The following ANKRD31 variants were observed in gnomAD, a reference collection of about 807,000 sequenced individuals.
ANKRD31 encodes the protein ankyrin repeat domain 31.
In ANKRD31, 147 loss-of-function variants were observed where a neutral mutation model predicts 186.0. That is an observed-to-expected ratio of 0.79 (90% CI 0.69 to 0.91). ANKRD31 has a LOEUF of 0.91. Among genes scored for constraint, ANKRD31 ranks in the 40% least tolerant of loss-of-function variants. The pLI is 0.00. For synonymous variants in ANKRD31, 673 were observed against 736.4 expected (o/e 0.91, Z 1.39); for missense variants, 1,986 against 2,148.8 (o/e 0.92, Z 1.50).
chr5:75,168,004 C>T (rs1411826020), intron 11 of ANKRD31, among the ~76,000 whole-genome samples: 1 of 152,046 alleles, frequency 6.6e-6, no homozygotes, highest in African/African-American at 2.4e-5. Context: ...TAAACTGGAT[C>T]CTGGGAAGAA....
chr5:75,175,044 C>A (rs1468366242), intron 10 of ANKRD31, among the ~76,000 whole-genome samples: 1 of 152,150 alleles, frequency 6.6e-6, no homozygotes, highest in African/African-American at 2.4e-5. Context: ...GAATACTATG[C>A]AGCCATAAAA....
At chr5:75,216,423 G>C (rs1463771375) in intron 3 of ANKRD31, among the ~76,000 whole-genome samples, 1 of 152,096 alleles carries the variant, frequency 6.6e-6, no homozygotes. Context: ...CAATCACATA[G>C]CAAATGTTTC....
At chr5:75,087,491 A>T (rs2150025234) in intron 23 of ANKRD31, among the ~76,000 whole-genome samples, 1 of 152,220 alleles carries the variant, frequency 6.6e-6, no homozygotes, top group South Asian at 2.1e-4. Context: ...TGGGCAAGAC[A>T]GCGAGACTCT....
In ANKRD31 at chr5:75,144,015, G is replaced by C. The variant is rs1751243017; in HGVS notation, c.3581C>G (p.Thr1194Ser). The change falls in exon 15 of 26, where the codon ACT becomes AGT. Residue 1194 changes from threonine (T) to serine (S), a missense_variant. Thr to Ser is a moderately conservative substitution (Grantham distance 58). Transcript: ENST00000506364. The stretch of plus-strand genomic sequence containing the variant: ...GGAATACAAACCTAGGTTGCAGGTA[G>C]TTTTTAAGAAACTTTGTCTTTTTCT... ...NFRKRQSFLKTTCNLGMKAGR... is the reference protein window; with the variant it reads ...NFRKRQSFLKSTCNLGMKAGR... 2.5e-6 allele frequency: 1 copy of C among 397,204 alleles called. No individual in the cohort carries two copies. The highest frequency in any genetic ancestry group is 2.1e-5 in the African/African-American group (1 of 48,546). 24.6% of individuals were successfully genotyped at this position (397,204 alleles called of 1,614,324 possible).
chr5:75,084,952 A>C (rs983646425), intron 23 of ANKRD31, among the ~76,000 whole-genome samples: 1 of 152,198 alleles, frequency 6.6e-6, no homozygotes, highest in African/African-American at 2.4e-5. Context: ...ATCTACACAC[A>C]AAAAGGCAGG....
intron 17 of ANKRD31, among the ~76,000 whole-genome samples, chr5:75,133,327 A>C (rs529881940): frequency 7.9e-5 from 12 of 152,264 alleles, no homozygotes; most frequent in African/African-American, 2.6e-4. Flanking sequence ...TCTACCAAGC[A>C]AATGGAAAAC....
intron 17 of ANKRD31, among the ~76,000 whole-genome samples, chr5:75,121,369 G>C (rs1748776186): frequency 6.6e-6 from 1 of 152,086 alleles, no homozygotes. Context: ...TGGGGCACTT[G>C]AACATCCGAG....
rs540018986 is a variant in ANKRD31 at position 75,116,743 on chromosome 5, GTT to G, written c.4040-64_4040-63del. 1.4e-4 allele frequency: 131 copies of G among 941,852 alleles called. No individual in the cohort carries two copies. The Middle Eastern group carries it at 1.6e-3, about 12-fold the overall frequency. The allele number at this position is 941,852 out of a possible 1,614,324, so 58.3% of individuals were successfully genotyped here. On this transcript the variant is annotated intron_variant, in intron 18 of 25. Transcript: ENST00000506364. ...TGCAAAAATATAGTTTCATTTTTCA[GTT>G]TTAATGTGATGGGGATGAGAAGGAT...
At chr5:75,076,712 T>C (rs188519929) in intron 25 of ANKRD31, among the ~76,000 whole-genome samples, 111 of 152,332 alleles carry the variant, frequency 7.3e-4, no homozygotes, top group Non-Finnish European at 9.1e-4. Flanking sequence ...GTCTTTCTGA[T>C]GACCAGCCCT....
At chr5:75,190,524 A>C (rs1449910567) in intron 9 of ANKRD31, among the ~76,000 whole-genome samples, 1 of 152,046 alleles carries the variant, frequency 6.6e-6, no homozygotes, top group Admixed American at 6.6e-5. Flanking sequence ...TTCACCTCTG[A>C]AGGTGTTACA....
At chr5:75,112,726 AT>A in intron 19 of ANKRD31, 126 bp from the exon 20 acceptor site, 1 of 540,994 alleles carries the variant, frequency 1.8e-6, no homozygotes, top group Non-Finnish European at 3.1e-6. Context: ...ATTCCTCTTT[AT>A]GCTCAAAATG....
In ANKRD31 at chr5:75,091,288, A is replaced by G. The variant is rs1020353827; in HGVS notation, c.5445T>C (p.Tyr1815=). The part of the protein sequence containing the change: ...WLKDLLGGNS[Y]VTWNYAWSKV... ...TACTCCAAGCATAATTCCAGGTCAC[A>G]TAACTGTTGCCTCCCAGAAGATCCT... Residue 1815 remains tyrosine, a synonymous_variant, in exon 23 of 26, where the codon TAT becomes TAC. Coordinates refer to ENST00000506364, the MANE Select transcript of ANKRD31 (RefSeq NM_001372053.1). 6 of 1,537,160 alleles carry G rather than the reference A, an allele frequency of 3.9e-6. No homozygotes were observed. The highest frequency in any genetic ancestry group is 1.7e-4 in the Middle Eastern group (1 of 5,988).
At position 75,210,873 on chromosome 5, in the gene ANKRD31, GAA is replaced by G; in HGVS notation, c.289-10_289-9del. 7.8e-6 allele frequency: 11 copies of G among 1,414,122 alleles called. No homozygotes were observed. The highest frequency in any genetic ancestry group is 7.6e-5 in the Admixed American group (3 of 39,232). The allele number at this position is 1,414,122 out of a possible 1,614,324, so 87.6% of individuals were successfully genotyped here. The stretch of plus-strand genomic sequence containing the variant: ...TTCTGTTTCATCTTGAGACTGCTAG[GAA>G]AAAAAAAAGTTTTTTCCAACTGATA... On this transcript the variant is annotated splice_polypyrimidine_tract_variant and intron_variant, in intron 3 of 25. Coordinates refer to ENST00000506364, the MANE Select transcript of ANKRD31 (RefSeq NM_001372053.1).
intron 10 of ANKRD31, among the ~76,000 whole-genome samples, chr5:75,173,530 A>G (rs934232001): frequency 2.0e-5 from 3 of 152,220 alleles, no homozygotes; most frequent in Non-Finnish European, 4.4e-5. Flanking sequence ...CAACTTCAGC[A>G]AAGTCTCAGG....
intron 17 of ANKRD31, among the ~76,000 whole-genome samples, chr5:75,131,110 C>T (rs1749767004): frequency 6.6e-6 from 1 of 152,196 alleles, no homozygotes. Context: ...CCAGAACCAG[C>T]ACCGGCCCGT....
At chr5:75,131,259 G>T (rs1384147601) in intron 17 of ANKRD31, among the ~76,000 whole-genome samples, 1 of 152,246 alleles carries the variant, frequency 6.6e-6, no homozygotes, top group Non-Finnish European at 1.5e-5. Flanking sequence ...GGCCCCTGGA[G>T]CGTGGCAAGA....
At chr5:75,099,074 A>T (rs1746583109) in intron 22 of ANKRD31, among the ~76,000 whole-genome samples, 4 of 152,154 alleles carry the variant, frequency 2.6e-5, no homozygotes, top group African/African-American at 7.2e-5. Flanking sequence ...GGTTTGTCAT[A>T]AATAGCTCTT....
At chr5:75,180,562 C>G (rs1754203882) in intron 10 of ANKRD31, among the ~76,000 whole-genome samples, 1 of 152,002 alleles carries the variant, frequency 6.6e-6, no homozygotes, top group African/African-American at 2.4e-5. Context: ...CAGAACAGAG[C>G]CCTCAGAAGT....
At chr5:75,194,722 T>C (rs6890143) in intron 7 of ANKRD31, among the ~76,000 whole-genome samples, 23,637 of 152,088 alleles carry the variant, frequency 0.16, 2,080 homozygotes, top group African/African-American at 0.23. Flanking sequence ...TTGCTGACAT[T>C]GAAAGATAAA....
Sources: gnomAD v4.1 joint callset for allele counts (sites outside exome capture counted in the v4.1 genomes callset) on GRCh38, gnomAD v4.1.1 for gene constraint, MANE v1.5 for transcripts, NCBI Gene and HGNC (gene_info 2026-07-23, HGNC 2026-07-21) for gene names.